PPP2R2C: variants seen among roughly 807,000 people sequenced by gnomAD.
The protein encoded by PPP2R2C is protein phosphatase 2, regulatory subunit B, gamma.
A neutral mutation model predicts 45.3 loss-of-function variants in PPP2R2C; 10 were observed. The ratio of observed to expected loss-of-function variants is 0.22; its 90% CI spans 0.14 to 0.37. The LOEUF (loss-of-function observed/expected upper bound fraction) is 0.37. Among genes scored for constraint, PPP2R2C ranks in the 10% least tolerant of loss-of-function variants. PPP2R2C has a pLI of 1.00. For missense variants in PPP2R2C, 308 were observed against 619.7 expected, an observed-to-expected ratio of 0.50 and a Z score of 5.34; for synonymous variants, 257 against 245.4, an observed-to-expected ratio of 1.05 and a Z score of -0.44.
In PPP2R2C at chr4:6,331,545, T is replaced by G. The variant is rs1450516031; in HGVS notation, c.960+2017A>C. ...CAGGGACCCATTCTAGACAATGAGG[T>G]GTAAGAAGTCTTCTGAGAAGCATTC... On this transcript the variant is annotated intron_variant, in intron 7 of 8. Transcript: ENST00000382599. This position sits in a 1 kb window ranked among gnomAD's most constrained non-coding sequence, Gnocchi z 5.9. 6.6e-6 allele frequency among the ~76,000 whole-genome samples: 1 copy of G among 152,138 alleles called. No individual in the cohort carries two copies. The highest frequency in any genetic ancestry group is 2.4e-5 in the African/African-American group (1 of 41,424).
At chr4:6,361,360 T>C (rs1183194637) in intron 5 of PPP2R2C, among the ~76,000 whole-genome samples, 1 of 152,186 alleles carries the variant, frequency 6.6e-6, no homozygotes, top group Non-Finnish European at 1.5e-5. Context: ...AACCAAGCTA[T>C]GAAAAAGGAA....
intron 2 of PPP2R2C, among the ~76,000 whole-genome samples, chr4:6,528,380 G>T (rs569315619): frequency 3.3e-5 from 5 of 152,334 alleles, no homozygotes; most frequent in African/African-American, 9.6e-5. Context: ...ACAGCTGAAG[G>T]GTGGCTGCCT....
chr4:6,435,769 T>G (rs187284365), intron 1 of PPP2R2C, among the ~76,000 whole-genome samples: 5 of 152,286 alleles, frequency 3.3e-5, no homozygotes, highest in Admixed American at 3.3e-4. Context: ...CAGCCCCTTT[T>G]CTCCACTTTG....
intron 1 of PPP2R2C, among the ~76,000 whole-genome samples, chr4:6,417,125 T>C (rs1718644999): frequency 6.6e-6 from 1 of 152,172 alleles, no homozygotes; most frequent in Admixed American, 6.5e-5. Context: ...TGTCTCTCTT[T>C]GCCGCCCCTT....
At chr4:6,360,645 T>C (rs914614014) in intron 5 of PPP2R2C, among the ~76,000 whole-genome samples, 4 of 152,278 alleles carry the variant, frequency 2.6e-5, no homozygotes, top group Non-Finnish European at 4.4e-5. Flanking sequence ...CACATGGAGT[T>C]CATCTTGAAA....
At chr4:6,420,272 C>T (rs558140682) in intron 1 of PPP2R2C, among the ~76,000 whole-genome samples, 36 of 152,240 alleles carry the variant, frequency 2.4e-4, no homozygotes, top group African/African-American at 7.9e-4. Flanking sequence ...CTTGCCCAGT[C>T]CCACTGCCAA....
chr4:6,512,653 ATGGTGGTGGTGG>A (rs79384701), intron 2 of PPP2R2C, among the ~76,000 whole-genome samples: 2 of 123,740 alleles, frequency 1.6e-5, no homozygotes, highest in Non-Finnish European at 3.3e-5. Context: ...GATGGTGCTG[ATGGTGGTGGTGG>A]TGGTGGTGGT....
In PPP2R2C at chr4:6,378,695, C is replaced by T. The variant is rs375148363; in HGVS notation, c.169-123G>A. The T allele has an allele frequency of 1.2e-4, 122 of 1,058,350 alleles. No individual in the cohort carries two copies. The East Asian group carries it at 1.5e-3, about 13-fold the overall frequency. The allele number at this position is 1,058,350 out of a possible 1,614,324, so 65.6% of individuals were successfully genotyped here. A position where few individuals can be genotyped will look rare whatever the true frequency, so the allele number is the denominator to read the frequency against. ...GCCGAGCCGTGCCAGGGATCCAATT[C>T]GAGGGTCAAATGAAACTCTCTGCAG... On this transcript the variant is annotated intron_variant, in intron 2 of 8. Transcript: ENST00000382599. The surrounding 1 kb of genome is among the most constrained non-coding windows in gnomAD (Gnocchi z 5.2).
At chr4:6,510,927 A>G (rs1334341034) in intron 2 of PPP2R2C, among the ~76,000 whole-genome samples, 1 of 150,320 alleles carries the variant, frequency 6.7e-6, no homozygotes, top group African/African-American at 2.4e-5. Context: ...CAGTGAGCCA[A>G]GATCACACCA....
chr4:6,495,983 C>T (rs1016624007), intron 2 of PPP2R2C, among the ~76,000 whole-genome samples: 1 of 152,280 alleles, frequency 6.6e-6, no homozygotes, highest in South Asian at 2.1e-4. Flanking sequence ...CTCTCCATGG[C>T]GGCACTCCTT....
chr4:6,465,695 C>T (rs896180023), intron 1 of PPP2R2C, among the ~76,000 whole-genome samples: 2 of 151,812 alleles, frequency 1.3e-5, no homozygotes, highest in African/African-American at 4.8e-5. Context: ...CATTTTATCA[C>T]TCACCATTCT....
At chr4:6,536,983 A>T (rs1724638934) in intron 1 of PPP2R2C, among the ~76,000 whole-genome samples, 2 of 152,174 alleles carry the variant, frequency 1.3e-5, no homozygotes, top group South Asian at 4.1e-4. Context: ...TGGGCAGATC[A>T]CCTGAAGTCA....
At chr4:6,493,359 G>A (rs550477699) in intron 2 of PPP2R2C, among the ~76,000 whole-genome samples, 1 of 151,788 alleles carries the variant, frequency 6.6e-6, no homozygotes, top group Admixed American at 6.6e-5. Flanking sequence ...GAGCTGGGGT[G>A]GGGGGCGTGT....
At position 6,535,156 on chromosome 4, in the gene PPP2R2C, C is replaced by T. The variant is rs139361657; in HGVS notation, c.49+115G>A. ...GCAGGGGAGGGACCGGATCCCAGCA[C>T]GGTGGGGTCGGCTTCCCGCTGTCAG... On this transcript the variant is annotated intron_variant, in intron 2 of 9. Transcript: ENST00000506140. 4.8e-5 allele frequency: 58 copies of T among 1,215,648 alleles called. No homozygotes were observed. In the East Asian group the frequency reaches 6.9e-4, roughly 14 times the overall value. 75.3% of individuals were successfully genotyped at this position (1,215,648 alleles called of 1,614,324 possible). A position where few individuals can be genotyped will look rare whatever the true frequency, so the allele number is the denominator to read the frequency against.
chr4:6,492,933 G>T (rs915403602), intron 2 of PPP2R2C, among the ~76,000 whole-genome samples: 4 of 152,150 alleles, frequency 2.6e-5, no homozygotes, highest in African/African-American at 9.7e-5. Flanking sequence ...TGTCCTCCCA[G>T]TGGCCTGGGG....
intron 2 of PPP2R2C, among the ~76,000 whole-genome samples, chr4:6,498,236 A>G (rs554171712): frequency 6.6e-6 from 1 of 152,260 alleles, no homozygotes; most frequent in African/African-American, 2.4e-5. Flanking sequence ...AGCATGTTCC[A>G]TTATATAAAA....
chr4:6,452,631 C>T (rs1391497578), intron 1 of PPP2R2C, among the ~76,000 whole-genome samples: 1 of 152,254 alleles, frequency 6.6e-6, no homozygotes, highest in African/African-American at 2.4e-5. Context: ...TATCACATGT[C>T]CTCCCACTGT....
intron 2 of PPP2R2C, among the ~76,000 whole-genome samples, chr4:6,479,502 C>T (rs962996647): frequency 1.5e-5 from 2 of 134,976 alleles, no homozygotes; most frequent in Non-Finnish European, 3.1e-5. Context: ...CAAATGAAGA[C>T]GAAGTCTGTG....
intron 4 of PPP2R2C, 57 bp downstream of exon 4, chr4:6,375,761 TA>T: frequency 7.2e-7 from 1 of 1,391,052 alleles, no homozygotes; most frequent in Non-Finnish European, 1.0e-6. Context: ...TTTCCAGCCC[TA>T]AAATCCTCAG....
Sources: allele counts gnomAD v4.1 joint callset (sites outside exome capture counted in the v4.1 genomes callset), GRCh38; gene constraint gnomAD v4.1.1; non-coding constraint Gnocchi (gnomAD v3.1); transcripts MANE v1.5; gene names NCBI Gene and HGNC (gene_info 2026-07-23, HGNC 2026-07-21).